Variants in STPG2 observed in about 807,000 individuals in gnomAD.
The protein encoded by STPG2 is sperm-tail PG-rich repeat-containing protein 2.
STPG2 carries 56 observed loss-of-function variants against 54.2 expected under a neutral mutation model. That is an observed-to-expected ratio of 1.03 (90% CI 0.83 to 1.29). The LOEUF is 1.29. STPG2 is among the 50% of genes most tolerant of loss of function. STPG2 has a pLI of 0.00. For missense variants in STPG2, 596 were observed against 544.9 expected (o/e 1.09, Z -0.93); for synonymous variants, 200 against 181.8 (o/e 1.10, Z -0.81).
chr4:97,669,270 G>A (rs1280389680), intron 10 of STPG2, among the ~76,000 whole-genome samples: 28 of 151,978 alleles, frequency 1.8e-4, no homozygotes, highest in Admixed American at 1.8e-3. Context: ...CCTGGATGTC[G>A]CATGGATGTT....
intron 5 of STPG2, among the ~76,000 whole-genome samples, chr4:98,021,563 G>C (rs1243063093): frequency 2.0e-5 from 3 of 152,094 alleles, no homozygotes. Context: ...TTTAATTCCT[G>C]GGTATCCTTG....
intron 8 of STPG2, among the ~76,000 whole-genome samples, chr4:97,887,062 C>T (rs1378971965): frequency 6.6e-6 from 1 of 152,212 alleles, no homozygotes; most frequent in African/African-American, 2.4e-5. Context: ...GCCTGTGGAA[C>T]TGTGAGCCAA....
Position 97,617,043 on chromosome 4 carries a change from A to C in STPG2, c.1321-57926T>G, listed in dbSNP as rs188830600. Reference sequence around the variant, plus strand: ...TTAGTTTATAAAGCTAACTAACCAAATTAGTCTATATTTGTTTCTCTTGTA... The same window carrying C: ...TTAGTTTATAAAGCTAACTAACCAACTTAGTCTATATTTGTTTCTCTTGTA... On this transcript the variant is annotated intron_variant, in intron 10 of 10. Coordinates refer to ENST00000295268, the MANE Select transcript of STPG2 (RefSeq NM_174952.3). Among the ~76,000 whole-genome samples the C allele has an allele frequency of 2.0e-5, 3 of 152,208 alleles. No homozygotes were observed. The East Asian group carries it at 5.8e-4, about 29-fold the overall frequency.
chr4:97,592,457 T>C (rs1301263687), intron 10 of STPG2, among the ~76,000 whole-genome samples: 1 of 152,186 alleles, frequency 6.6e-6, no homozygotes, highest in African/African-American at 2.4e-5. Flanking sequence ...ACTTTTATTA[T>C]GAAAATTTTA....
At chr4:97,902,280 A>T (rs1731207282) in intron 8 of STPG2, among the ~76,000 whole-genome samples, 1 of 152,110 alleles carries the variant, frequency 6.6e-6, no homozygotes, top group African/African-American at 2.4e-5. Flanking sequence ...AGCACAGGCA[A>T]CAAAAGCAAA....
intron 9 of STPG2, among the ~76,000 whole-genome samples, chr4:97,816,379 C>G (rs1414835977): frequency 6.6e-6 from 1 of 152,098 alleles, no homozygotes; most frequent in East Asian, 1.9e-4. Context: ...GATTTATAAT[C>G]CTTTGGGTAT....
chr4:97,689,398 C>T (rs1358848182), intron 10 of STPG2, among the ~76,000 whole-genome samples: 2 of 151,678 alleles, frequency 1.3e-5, no homozygotes, highest in Non-Finnish European at 2.9e-5. Context: ...AGGAGATTTA[C>T]TTCTCTCTCT....
intron 5 of STPG2, chr4:98,025,599 A>G (rs6848404): frequency 0.38 from 279,724 of 743,940 alleles, 54,585 homozygotes; most frequent in African/African-American, 0.44. Flanking sequence ...ATAGACAGGG[A>G]TATAATAGTC....
At chr4:97,503,503 AT>A (rs376721288) in intron 4 of STPG2, among the ~76,000 whole-genome samples, 11 of 149,170 alleles carry the variant, frequency 7.4e-5, no homozygotes, top group African/African-American at 9.8e-5. Context: ...TGTGTTTAGT[AT>A]TTTTTTTTTC....
intron 5 of STPG2, among the ~76,000 whole-genome samples, chr4:98,038,123 C>T (rs1286124669): frequency 1.6e-5 from 2 of 126,810 alleles, no homozygotes; most frequent in Non-Finnish European, 3.5e-5. Flanking sequence ...TATCTTCCCA[C>T]CTCAGCCTCC....
At chr4:97,704,430 A>C (rs914902386) in intron 10 of STPG2, among the ~76,000 whole-genome samples, 8 of 152,142 alleles carry the variant, frequency 5.3e-5, no homozygotes, top group Non-Finnish European at 1.0e-4. Flanking sequence ...AAGGCCTAAT[A>C]CCATAGGCTG....
At chr4:97,830,555 C>T (rs199992281) in intron 9 of STPG2, among the ~76,000 whole-genome samples, 2 of 152,012 alleles carry the variant, frequency 1.3e-5, no homozygotes, top group African/African-American at 2.4e-5. Context: ...AGGCTAAATG[C>T]CCCAATTAAA....
intron 10 of STPG2, among the ~76,000 whole-genome samples, chr4:97,679,726 C>T (rs1336977150): frequency 1.3e-5 from 2 of 152,056 alleles, no homozygotes; most frequent in African/African-American, 4.8e-5. Context: ...ATTGGTAATG[C>T]CTAGGTTTTC....
intron 5 of STPG2, among the ~76,000 whole-genome samples, chr4:98,005,607 C>G (rs898610489): frequency 2.6e-5 from 4 of 152,144 alleles, no homozygotes; most frequent in African/African-American, 9.7e-5. Flanking sequence ...TTGTCCAACA[C>G]TTTTTATGCA....
intron 5 of STPG2, among the ~76,000 whole-genome samples, chr4:98,077,084 A>G (rs901302076): frequency 3.9e-5 from 6 of 151,954 alleles, no homozygotes; most frequent in African/African-American, 1.5e-4. Context: ...TAATACTAAG[A>G]TTTTGTTTGC....
intron 9 of STPG2, among the ~76,000 whole-genome samples, chr4:97,832,554 T>C (rs1391577909): frequency 6.6e-6 from 1 of 152,132 alleles, no homozygotes; most frequent in Non-Finnish European, 1.5e-5. Context: ...GGTATTCAAA[T>C]AGGAAAAGAG....
chr4:98,115,120 C>A (rs1280440989), intron 3 of STPG2, among the ~76,000 whole-genome samples: 1 of 151,926 alleles, frequency 6.6e-6, no homozygotes, highest in Admixed American at 6.6e-5. Flanking sequence ...TTACTAACTG[C>A]CACTCTCACT....
chr4:97,874,375 A>G (rs1730101444), intron 8 of STPG2, among the ~76,000 whole-genome samples: 1 of 151,758 alleles, frequency 6.6e-6, no homozygotes, highest in Non-Finnish European at 1.5e-5. Flanking sequence ...TGTATAATTG[A>G]CATACAGTAA....
intron 4 of STPG2, among the ~76,000 whole-genome samples, chr4:97,522,672 T>C (rs778661938): frequency 6.6e-6 from 1 of 151,968 alleles, no homozygotes; most frequent in Non-Finnish European, 1.5e-5. Flanking sequence ...TCTTAAGTAA[T>C]AGTCTTACTG....
Sources: allele counts gnomAD v4.1 joint callset (sites outside exome capture counted in the v4.1 genomes callset), GRCh38; gene constraint gnomAD v4.1.1; transcripts MANE v1.5; gene names NCBI Gene and HGNC (gene_info 2026-07-23, HGNC 2026-07-21).